The following CTDSP2 variants were observed in gnomAD, a reference collection of about 807,000 sequenced individuals.
The protein encoded by CTDSP2 is carboxy-terminal domain RNA polymerase II polypeptide A small phosphatase 2.
Under a neutral mutation model 31.6 loss-of-function variants are expected in CTDSP2, and 9 were observed. The observed-to-expected ratio is 0.28, with a 90% confidence interval of 0.17 to 0.50. The LOEUF is 0.50. CTDSP2 is among the 20% of genes least tolerant of loss of function. The probability of loss-of-function intolerance (pLI) is 0.98; values close to 1 mark genes in which losing one functional copy is unlikely to be tolerated. For synonymous variants in CTDSP2, 134 were observed against 134.5 expected, an observed-to-expected ratio of 1.00 and a Z score of 0.03; for missense variants, 267 against 348.5, an observed-to-expected ratio of 0.77 and a Z score of 1.86.
chr12:57,844,915 C>G (rs1592245198), intron 1 of CTDSP2, among the ~76,000 whole-genome samples: 1 of 147,138 alleles, frequency 6.8e-6, no homozygotes, highest in African/African-American at 2.5e-5. Flanking sequence ...ACCCTTCCCC[C>G]CTCCCAGCTC....
chr12:57,828,177 T>C (rs1419843393), intron 2 of CTDSP2, among the ~76,000 whole-genome samples: 2 of 152,106 alleles, frequency 1.3e-5, no homozygotes, highest in Admixed American at 6.5e-5. Context: ...CCCAGCACTT[T>C]GGGAGGCCGA....
In CTDSP2 at chr12:57,823,040, G is replaced by T. The variant is rs763704366; in HGVS notation, c.*562C>A. On this transcript the variant is annotated 3_prime_UTR_variant, in exon 8 of 8. Coordinates refer to ENST00000398073, the MANE Select transcript of CTDSP2 (RefSeq NM_005730.4). ...CCTGATGGCCACTGGATGCTGGTCT[G>T]GAAACAAGTTCTCATCTTCCCAGAA... 3 of 156,276 alleles carry T rather than the reference G, an allele frequency of 1.9e-5. No individual in the cohort carries two copies. The highest frequency in any genetic ancestry group is 4.3e-5 in the Non-Finnish European group (3 of 70,222). The allele number at this position is 156,276 out of a possible 1,614,324, so 9.7% of individuals were successfully genotyped here.
At chr12:57,845,625 T>TGTGTGTGCAGCGCCGGCCCC (rs1396565849) in intron 1 of CTDSP2, 1 of 152,332 alleles carries the variant, frequency 6.6e-6, no homozygotes, top group African/African-American at 2.4e-5. Flanking sequence ...AACGCGGCTC[T>TGTGTGTGCAGCGCCGGCCCC]GTGTGTGCAG....
chr12:57,824,476 C>T (rs1309905902), intron 5 of CTDSP2, 157 bp from the exon 6 acceptor site: 14 of 679,498 alleles, frequency 2.1e-5, no homozygotes, highest in Non-Finnish European at 3.5e-5. Flanking sequence ...CCTGAGACCC[C>T]ACAGACCCGG....
At chr12:57,833,900 C>T (rs1956231324) in intron 1 of CTDSP2, among the ~76,000 whole-genome samples, 1 of 152,236 alleles carries the variant, frequency 6.6e-6, no homozygotes, top group Non-Finnish European at 1.5e-5. Context: ...AGACACTTGA[C>T]ATCATTACCT....
chr12:57,840,876 C>CA (rs1956278562), intron 1 of CTDSP2, among the ~76,000 whole-genome samples: 1 of 152,130 alleles, frequency 6.6e-6, no homozygotes, highest in East Asian at 1.9e-4. Flanking sequence ...AGGGCATACA[C>CA]ACTTTTGCCT....
intron 5 of CTDSP2, 61 bp from the exon 6 acceptor site, chr12:57,824,380 G>A: frequency 8.2e-7 from 1 of 1,222,876 alleles, no homozygotes; most frequent in Middle Eastern, 1.9e-4. Context: ...GCAGTACTGG[G>A]TACCTTCACC....
At chr12:57,846,104 G>T (rs985269601) in intron 1 of CTDSP2, among the ~76,000 whole-genome samples, 2 of 152,202 alleles carry the variant, frequency 1.3e-5, no homozygotes, top group Non-Finnish European at 2.9e-5. Context: ...CTACCCCTCC[G>T]TCTCTCAGCC....
chr12:57,846,379 G>T lies in CTDSP2; in HGVS notation c.57C>A (p.Thr19=), dbSNP rs1956316386. 3.7e-6 allele frequency: 6 copies of T among 1,608,358 alleles called. No individual in the cohort carries two copies. The South Asian group carries it at 6.7e-5, about 18-fold the overall frequency. Residue 19 remains threonine, a synonymous_variant, in exon 1 of 8, where the codon ACC becomes ACA. Transcript: ENST00000398073. ...GGAAGTTGCTGCCCCTACCTTGCTT[G>T]GTGAGCACCAGGGCGTCTTCCCTCC... ...QARREDALVL[T]KQGLVSKSSP...
chr12:57,827,472 T>C (rs960871203), intron 3 of CTDSP2, 80 bp downstream of exon 3: 36 of 1,493,484 alleles, frequency 2.4e-5, no homozygotes, highest in Middle Eastern at 1.7e-4. Context: ...CCAAGGACTA[T>C]GCACATCACC....
In CTDSP2 at chr12:57,823,551, A is replaced by C; in HGVS notation, c.*51T>G. The C allele has an allele frequency of 1.2e-6, 2 of 1,604,290 alleles. No homozygotes were observed. The highest frequency in any genetic ancestry group is 1.7e-6 in the Non-Finnish European group (2 of 1,176,050). On this transcript the variant is annotated 3_prime_UTR_variant, in exon 8 of 8. Transcript: ENST00000398073. ...TCTGTCACGCTGATCGTAAAGGCACAGTGTGGGAAAGTCCCCTACTGGGAT... is the reference window on the plus strand; with the variant it reads ...TCTGTCACGCTGATCGTAAAGGCACCGTGTGGGAAAGTCCCCTACTGGGAT...
intron 4 of CTDSP2, among the ~76,000 whole-genome samples, chr12:57,826,770 G>C (rs1956185266): frequency 6.6e-6 from 1 of 152,206 alleles, no homozygotes; most frequent in South Asian, 2.1e-4. Flanking sequence ...CCTGTTGGGA[G>C]TGACTGGAGA....
chr12:57,832,831 G>GA (rs1255998684), intron 1 of CTDSP2, among the ~76,000 whole-genome samples: 2 of 99,480 alleles, frequency 2.0e-5, no homozygotes, highest in Non-Finnish European at 4.4e-5. Flanking sequence ...AAAAGAAAAA[G>GA]AAAAAAACAA....
At chr12:57,840,979 CAAAG>C (rs1415242441) in intron 1 of CTDSP2, among the ~76,000 whole-genome samples, 3 of 152,180 alleles carry the variant, frequency 2.0e-5, no homozygotes, top group East Asian at 1.9e-4. Flanking sequence ...TTTTGCCAGA[CAAAG>C]AAACTCCATT....
chr12:57,826,894 ATCACTCTTCTT>A, intron 4 of CTDSP2, 91 bp downstream of exon 4: 1 of 926,576 alleles, frequency 1.1e-6, no homozygotes, highest in Non-Finnish European at 1.7e-6. Context: ...TTCCCTTCTA[ATCACTCTTCTT>A]TCCTCACCTT....
At chr12:57,827,464 A>C in intron 3 of CTDSP2, 88 bp downstream of exon 3, 2 of 1,445,780 alleles carry the variant, frequency 1.4e-6, no homozygotes, top group African/African-American at 1.4e-5. Context: ...GCTAGGCACC[A>C]AGGACTATGC....
At position 57,824,225 on chromosome 12, in the gene CTDSP2, AC is replaced by A; in HGVS notation, c.504+1del. 6.2e-7 allele frequency: 1 copy of A among 1,613,940 alleles called. No homozygotes were observed. The highest frequency in any genetic ancestry group is 8.5e-7 in the Non-Finnish European group (1 of 1,179,854). ...TGGTTCTTCCCTCTCACCCCTAGGT[AC>A]CTTGGCCAGGCTGGCAGTGAAGAGA... On this transcript the variant is annotated splice_donor_variant, in intron 6 of 7. Transcript: ENST00000398073. LOFTEE classifies it high-confidence loss of function.
intron 1 of CTDSP2, among the ~76,000 whole-genome samples, chr12:57,830,949 C>T (rs1319114085): frequency 6.6e-6 from 1 of 150,930 alleles, no homozygotes; most frequent in Admixed American, 6.6e-5. Context: ...GGTTTCTCCA[C>T]GTTGGTCAGG....
intron 1 of CTDSP2, among the ~76,000 whole-genome samples, chr12:57,837,514 A>G (rs1337296020): frequency 1.3e-5 from 2 of 152,100 alleles, no homozygotes; most frequent in Non-Finnish European, 2.9e-5. Flanking sequence ...AATATGGTGA[A>G]ACCCCATCTT....
Sources: gnomAD v4.1 joint callset for allele counts (sites outside exome capture counted in the v4.1 genomes callset) on GRCh38, gnomAD v4.1.1 for gene constraint, MANE v1.5 for transcripts, NCBI Gene and HGNC (gene_info 2026-07-23, HGNC 2026-07-21) for gene names.